Variants in ACAD10 observed in about 807,000 individuals in gnomAD.
ACAD10 encodes the protein ACAD-10.
Under a neutral mutation model 116.8 loss-of-function variants are expected in ACAD10, and 112 were observed. The ratio of observed to expected loss-of-function variants is 0.96; its 90% confidence interval spans 0.82 to 1.12. The LOEUF is 1.12. Among genes scored for constraint, ACAD10 ranks in the 50% most tolerant of loss-of-function variants. The probability of loss-of-function intolerance (pLI) is 0.00; values close to 1 mark genes in which losing one functional copy is unlikely to be tolerated. For missense variants in ACAD10, 1,259 were observed against 1,350.2 expected (o/e 0.93, Z 1.06); for synonymous variants, 486 against 510.6 (o/e 0.95, Z 0.65).
At chr12:111,745,874 C>A (rs920167219) in intron 13 of ACAD10, among the ~76,000 whole-genome samples, 2 of 137,418 alleles carry the variant, frequency 1.5e-5, no homozygotes, top group African/African-American at 5.5e-5. Flanking sequence ...CAGGGTCTCG[C>A]TTTGTCACCC....
intron 9 of ACAD10, 97 bp from the exon 10 acceptor site, chr12:111,729,709 A>G (rs533108262): frequency 1.4e-6 from 2 of 1,444,040 alleles, no homozygotes; most frequent in African/African-American, 2.8e-5. Flanking sequence ...CACCCAGTGC[A>G]GAGCATGACA....
At chr12:111,737,553 A>T (rs1295288372) in intron 12 of ACAD10, among the ~76,000 whole-genome samples, 1 of 152,190 alleles carries the variant, frequency 6.6e-6, no homozygotes, top group East Asian at 1.9e-4. Context: ...TTCCAGTTAA[A>T]GCATTCATGC....
intron 12 of ACAD10, 155 bp from the exon 13 acceptor site, chr12:111,744,488 T>G: frequency 3.5e-6 from 3 of 865,822 alleles, no homozygotes; most frequent in South Asian, 3.5e-5. Flanking sequence ...GCTTTGGGGA[T>G]TCAGTGAGCT....
intron 12 of ACAD10, among the ~76,000 whole-genome samples, chr12:111,743,461 C>G (rs966772727): frequency 6.6e-6 from 1 of 151,812 alleles, no homozygotes; most frequent in African/African-American, 2.4e-5. Flanking sequence ...CTCAGGCTCC[C>G]AAGTAGCTGG....
At chr12:111,755,957 A>G in intron 20 of ACAD10, 1 of 694,410 alleles carries the variant, frequency 1.4e-6, no homozygotes, top group Non-Finnish European at 2.4e-6. Context: ...AAACAGGCAC[A>G]GAAAAGTGAA....
At chr12:111,705,220 T>C (rs1201694749) in intron 3 of ACAD10, among the ~76,000 whole-genome samples, 1 of 152,018 alleles carries the variant, frequency 6.6e-6, no homozygotes, top group African/African-American at 2.4e-5. Flanking sequence ...AAAGAACTCA[T>C]TTAATTGTAA....
intron 4 of ACAD10, among the ~76,000 whole-genome samples, chr12:111,709,158 A>G (rs953858134): frequency 6.6e-6 from 1 of 152,086 alleles, no homozygotes; most frequent in African/African-American, 2.4e-5. Context: ...TCATTTTGGA[A>G]CCCACTTAAG....
intron 19 of ACAD10, 64 bp from the exon 20 acceptor site, chr12:111,755,604 G>C (rs1160813950): frequency 2.4e-6 from 3 of 1,230,016 alleles, no homozygotes; most frequent in East Asian, 2.3e-5. Context: ...GGGACGGGGG[G>C]GCCTCACTCT....
In ACAD10 at chr12:111,744,766, C is replaced by T. The variant is rs1279452264; in HGVS notation, c.1838C>T (p.Pro613Leu). ...TTCAAAGAGATGCCCTTCACAAATCCGTTAACAAGGTCCTACCACACGTGG... is the reference window on the plus strand; with the variant it reads ...TTCAAAGAGATGCCCTTCACAAATCTGTTAACAAGGTCCTACCACACGTGG... ...RVFKEMPFTN[P>L]LTRSYHTWAR... Residue 613 changes from proline to leucine, a missense_variant, in exon 13 of 21, where the codon CCG (proline) becomes CTG (leucine). Physicochemically the swap from Pro to Leu is moderately conservative, Grantham distance 98 (BLOSUM62 -3). Coordinates refer to ENST00000313698, the MANE Select transcript of ACAD10 (RefSeq NM_025247.6). 8 of 1,614,086 alleles carry T rather than the reference C, an allele frequency of 5.0e-6. No homozygotes were observed. The highest frequency in any genetic ancestry group is 1.6e-4 in the Middle Eastern group (1 of 6,084).
At chr12:111,709,759 A>G in intron 5 of ACAD10, 75 bp downstream of exon 5, 1 of 1,415,598 alleles carries the variant, frequency 7.1e-7, no homozygotes, top group Non-Finnish European at 9.5e-7. Flanking sequence ...ATCTTTTTAC[A>G]TTTGTAGCTC....
chr12:111,723,806 C>T (rs1337937419), intron 8 of ACAD10, among the ~76,000 whole-genome samples: 2 of 149,730 alleles, frequency 1.3e-5, no homozygotes, highest in South Asian at 2.1e-4. Context: ...GGCTGCCGGG[C>T]GGAGGGCCTC....
intron 11 of ACAD10, among the ~76,000 whole-genome samples, chr12:111,734,475 T>C (rs534408681): frequency 1.3e-5 from 2 of 151,886 alleles, no homozygotes; most frequent in African/African-American, 4.8e-5. Flanking sequence ...AAATACAAAA[T>C]TAGCTGGACG....
intron 6 of ACAD10, chr12:111,715,356 G>T (rs1413104504): frequency 1.2e-5 from 2 of 166,436 alleles, no homozygotes; most frequent in Admixed American, 5.7e-5. Context: ...TTTGGGTCAG[G>T]CCGAAGGCCT....
At position 111,736,980 on chromosome 12, in the gene ACAD10, G is replaced by A; in HGVS notation, c.1690G>A (p.Gly564Arg). 6.2e-7 allele frequency: 1 copy of A among 1,613,764 alleles called. No homozygotes were observed. The highest frequency in any genetic ancestry group is 8.5e-7 in the Non-Finnish European group (1 of 1,179,870). ...TTTCCGTGTGGCTGCAATCCTACAGGGAGTCTACAAGCGATCACTCACAGG... is the reference window on the plus strand; with the variant it reads ...TTTCCGTGTGGCTGCAATCCTACAGAGAGTCTACAAGCGATCACTCACAGG... The part of the protein sequence containing the change: ...SFFRVAAILQ[G>R]VYKRSLTGQA... The change falls in exon 12 of 21, where the codon GGA becomes AGA. Residue 564 changes from glycine (G) to arginine (R), a missense_variant. Coordinates refer to ENST00000313698, the MANE Select transcript of ACAD10 (RefSeq NM_025247.6).
intron 18 of ACAD10, among the ~76,000 whole-genome samples, chr12:111,751,983 G>GGGAGGT (rs1248566753): frequency 6.6e-6 from 1 of 151,560 alleles, no homozygotes; most frequent in Non-Finnish European, 1.5e-5. Flanking sequence ...GCCTGAACCC[G>GGGAGGT]GGAGGTGGAG....
At position 111,746,129 on chromosome 12, in the gene ACAD10, T is replaced by C. The variant is rs115681029; in HGVS notation, c.2116-15T>C. The C allele has an allele frequency of 4.5e-4, 715 of 1,602,668 alleles. 7 individuals are homozygous for C. The African/African-American group carries it at 9.0e-3, about 20-fold the overall frequency. ...TCTTCCACTGTGGTTTCCTGACTTA[T>C]TTTCCCCATGATAGGAGAAAGCCAA... On this transcript the variant is annotated splice_polypyrimidine_tract_variant and intron_variant, in intron 13 of 20. Transcript: ENST00000313698.
intron 18 of ACAD10, among the ~76,000 whole-genome samples, chr12:111,750,409 C>T (rs1295263994): frequency 2.6e-5 from 4 of 152,054 alleles, no homozygotes; most frequent in African/African-American, 9.7e-5. Flanking sequence ...CGTGAGCCAC[C>T]GTGCCTGGCC....
At chr12:111,710,695 A>G (rs1432304413) in intron 5 of ACAD10, among the ~76,000 whole-genome samples, 2 of 151,226 alleles carry the variant, frequency 1.3e-5, no homozygotes, top group Admixed American at 6.6e-5. Context: ...GGGTTTCACC[A>G]TGTTGCCCAA....
chr12:111,693,211 CAAT>C (rs1888106200), intron 2 of ACAD10: 1 of 287,284 alleles, frequency 3.5e-6, no homozygotes, highest in African/African-American at 2.2e-5. Context: ...AATTCTCAAT[CAAT>C]GATGAGCTGC....
Sources: allele counts gnomAD v4.1 joint callset (sites outside exome capture counted in the v4.1 genomes callset), GRCh38; gene constraint gnomAD v4.1.1; transcripts MANE v1.5; gene names NCBI Gene and HGNC (gene_info 2026-07-23, HGNC 2026-07-21).